The following HMGXB3 variants were observed in gnomAD, a reference collection of about 807,000 sequenced individuals.
HMGXB3 encodes HMG-box containing 3.
HMGXB3 carries 45 observed loss-of-function variants against 121.5 expected under a neutral mutation model. The ratio of observed to expected loss-of-function variants is 0.37; its 90% CI spans 0.29 to 0.47. HMGXB3 has a LOEUF of 0.47. Ranked by LOEUF, HMGXB3 falls within the 20% of genes least tolerant of loss-of-function variation. HMGXB3 has a pLI of 0.99. For synonymous variants in HMGXB3, 590 were observed against 624.1 expected, an observed-to-expected ratio of 0.95 and a Z score of 0.81; for missense variants, 1,376 against 1,602.2, an observed-to-expected ratio of 0.86 and a Z score of 2.41.
Position 150,027,006 on chromosome 5 carries a change from C to T in HMGXB3, c.1637-14C>T, listed in dbSNP as rs757495794. On this transcript the variant is annotated splice_polypyrimidine_tract_variant and intron_variant, in intron 8 of 19. Transcript: ENST00000502717. Reference sequence around the variant, plus strand: ...ATGCACTTAAGTCACCAGTTTGGCTCCTGGTTCTCTCAGATAAGACTCCCT... The same window carrying T: ...ATGCACTTAAGTCACCAGTTTGGCTTCTGGTTCTCTCAGATAAGACTCCCT... 1.9e-6 allele frequency: 3 copies of T among 1,550,440 alleles called. No individual in the cohort carries two copies. The South Asian group carries it at 3.6e-5, about 18-fold the overall frequency.
intron 4 of HMGXB3, among the ~76,000 whole-genome samples, chr5:150,011,041 C>G (rs944172135): frequency 1.1e-4 from 17 of 152,218 alleles, no homozygotes; most frequent in African/African-American, 4.1e-4. Flanking sequence ...AGTCCTCCTG[C>G]CTCAGCCTCC....
At chr5:150,001,251 C>T (rs1755556620) in intron 1 of HMGXB3, 72 bp downstream of exon 1, 1 of 152,484 alleles carries the variant, frequency 6.6e-6, no homozygotes, top group Admixed American at 6.5e-5. Context: ...CTCTCTGAGC[C>T]TCTACTGAGT....
At position 150,032,590 on chromosome 5, in the gene HMGXB3, C is replaced by A. The variant is rs957617800; in HGVS notation, c.1970C>A (p.Thr657Asn). 4.8e-5 allele frequency: 75 copies of A among 1,552,306 alleles called. No individual in the cohort carries two copies. Among genetic ancestry groups the A allele is most frequent in the Non-Finnish European group, 6.5e-5 (74 of 1,147,114 alleles). Residue 657 changes from threonine (T) to asparagine (N), a missense_variant, in exon 11 of 20, where the codon ACC becomes AAC. By Grantham distance (65) the Thr-to-Asn change is moderately conservative. Coordinates refer to ENST00000502717, the MANE Select transcript of HMGXB3 (RefSeq NM_014983.3). The part of the protein sequence containing the change: ...VNLAKDRTEK[T>N]TKAIEVSSPL... ...CTTGCCAAAGACCGGACTGAGAAAA[C>A]CACCAAGGCTATCGTGAGTTCCTTC...
chr5:150,035,746 G>T (rs1756488457), intron 11 of HMGXB3, among the ~76,000 whole-genome samples: 1 of 152,066 alleles, frequency 6.6e-6, no homozygotes, highest in African/African-American at 2.4e-5. Flanking sequence ...GGATCAGGGA[G>T]AAGCTCCATT....
At chr5:150,045,221 A>G (rs1322441925) in intron 15 of HMGXB3, among the ~76,000 whole-genome samples, 1 of 152,256 alleles carries the variant, frequency 6.6e-6, no homozygotes, top group Non-Finnish European at 1.5e-5. Flanking sequence ...ACAAAGGTAT[A>G]GAAACAGAAG....
chr5:150,051,602 A>G, intron 19 of HMGXB3, 123 bp from the exon 20 acceptor site: 1 of 783,896 alleles, frequency 1.3e-6, no homozygotes, highest in Non-Finnish European at 2.0e-6. Flanking sequence ...GGCCTAGGAG[A>G]CACAGTACAT....
chr5:150,004,816 TC>T (rs1755657924), intron 1 of HMGXB3, 34 bp from the exon 2 acceptor site: 4 of 1,458,188 alleles, frequency 2.7e-6, no homozygotes, highest in Non-Finnish European at 3.7e-6. Flanking sequence ...TAGGGGAGAT[TC>T]TGGAAACTTT....
intron 13 of HMGXB3, among the ~76,000 whole-genome samples, chr5:150,040,138 CT>C (rs554799913): frequency 6.6e-6 from 1 of 151,548 alleles, no homozygotes; most frequent in African/African-American, 2.4e-5. Context: ...GAAAGTGTTC[CT>C]TTTTTTTATT....
chr5:150,004,353 A>G (rs978999207), intron 1 of HMGXB3, among the ~76,000 whole-genome samples: 1 of 152,242 alleles, frequency 6.6e-6, no homozygotes, highest in Non-Finnish European at 1.5e-5. Flanking sequence ...TCTTTTACAT[A>G]CAGGCCCTTA....
At chr5:150,012,937 T>C (rs763180979) in intron 5 of HMGXB3, among the ~76,000 whole-genome samples, 2 of 152,270 alleles carry the variant, frequency 1.3e-5, no homozygotes, top group African/African-American at 4.8e-5. Flanking sequence ...GCTTTGTATA[T>C]TGGGCTTGTA....
Position 150,050,468 on chromosome 5 carries a change from C to A in HMGXB3, c.3411+7C>A. On this transcript the variant is annotated splice_region_variant and intron_variant, in intron 19 of 19. Transcript: ENST00000502717. The stretch of plus-strand genomic sequence containing the variant: ...CCCCACAGAGCCACCTGTGGTGAGT[C>A]ACCTCCTGAGGAACTGCCATGTCTC... 6.5e-7 allele frequency: 1 copy of A among 1,545,070 alleles called. No individual in the cohort carries two copies. The highest frequency in any genetic ancestry group is 1.2e-5 in the South Asian group (1 of 83,940).
chr5:150,035,700 C>T (rs1423369003), intron 11 of HMGXB3, among the ~76,000 whole-genome samples: 1 of 152,000 alleles, frequency 6.6e-6, no homozygotes, highest in East Asian at 1.9e-4. Flanking sequence ...TCAGAGAACA[C>T]AAAGCGGGGA....
At chr5:150,049,682 G>C (rs1756845850) in intron 18 of HMGXB3, among the ~76,000 whole-genome samples, 1 of 152,142 alleles carries the variant, frequency 6.6e-6, no homozygotes, top group South Asian at 2.1e-4. Flanking sequence ...TGTGATGGGA[G>C]TGGCATCACT....
rs550466544 is a variant in HMGXB3 at position 150,003,953 on chromosome 5, ACAAAAACAAAAAACC to A, written c.-2-887_-2-873del. Among the ~76,000 whole-genome samples, 48 of 148,888 alleles carry A rather than the reference ACAAAAACAAAAAACC, an allele frequency of 3.2e-4. No homozygotes were observed. In the South Asian group the frequency reaches 7.9e-3, roughly 24 times the overall value. On this transcript the variant is annotated intron_variant, in intron 1 of 19. Transcript: ENST00000502717. ...ACAGAGTGAGACCCTGTCTCAAAAA[ACAAAAACAAAAAACC>A]CAAAAACAAACCCTTTTCATTTGCA...
chr5:150,040,685 A>C, intron 13 of HMGXB3, 63 bp from the exon 14 acceptor site: 1 of 1,493,634 alleles, frequency 6.7e-7, no homozygotes, highest in Non-Finnish European at 9.0e-7. Context: ...GCTGGTGTGT[A>C]TTCTATTTTT....
At position 150,043,040 on chromosome 5, in the gene HMGXB3, G is replaced by T. The variant is rs13168505; in HGVS notation, c.2730+1071G>T. ...TAACACAGTAATGCATCATGACAAA[G>T]TTAAACACAGGAAAGCAAGGTTGTT... On this transcript the variant is annotated intron_variant, in intron 15 of 19. Coordinates refer to ENST00000502717, the MANE Select transcript of HMGXB3 (RefSeq NM_014983.3). 3.9e-4 allele frequency among the ~76,000 whole-genome samples: 60 copies of T among 152,136 alleles called. 1 individual carries two copies. The highest frequency in any genetic ancestry group is 8.5e-4 in the Admixed American group (13 of 15,288).
chr5:150,040,386 T>A (rs1756601618), intron 13 of HMGXB3, among the ~76,000 whole-genome samples: 1 of 152,174 alleles, frequency 6.6e-6, no homozygotes, highest in African/African-American at 2.4e-5. Context: ...GTTTTGCCTT[T>A]TTCAAGATAT....
At chr5:150,035,479 A>G (rs371024946) in intron 11 of HMGXB3, among the ~76,000 whole-genome samples, 13 of 152,340 alleles carry the variant, frequency 8.5e-5, no homozygotes, top group African/African-American at 1.4e-4. Context: ...AGATTTGGAG[A>G]CGGTAAACAT....
intron 2 of HMGXB3, among the ~76,000 whole-genome samples, chr5:150,005,347 C>G (rs1343619623): frequency 2.0e-5 from 3 of 152,134 alleles, no homozygotes; most frequent in African/African-American, 7.2e-5. Context: ...TGCCTGTAAT[C>G]CCAGCAGTTT....
Sources: gnomAD v4.1 joint callset for allele counts (sites outside exome capture counted in the v4.1 genomes callset) on GRCh38, gnomAD v4.1.1 for gene constraint, MANE v1.5 for transcripts, NCBI Gene and HGNC (gene_info 2026-07-23, HGNC 2026-07-21) for gene names.